The following RANGAP1 variants were observed in gnomAD, a reference collection of about 807,000 sequenced individuals.
RANGAP1 encodes ran GTPase-activating protein 1.
In RANGAP1, 38 loss-of-function variants were observed where a neutral mutation model predicts 63.5. The observed-to-expected ratio is 0.60, with a 90% confidence interval of 0.46 to 0.78. The LOEUF (loss-of-function observed/expected upper bound fraction) is 0.78, where lower values mean the gene tolerates loss of function less well. Ranked by LOEUF, RANGAP1 falls within the 30% of genes least tolerant of loss-of-function variation. The pLI, the probability that RANGAP1 is intolerant of heterozygous loss-of-function variation, is 0.00. For synonymous variants in RANGAP1, 329 were observed against 310.5 expected (o/e 1.06, Z -0.63); for missense variants, 630 against 740.3 (o/e 0.85, Z 1.73).
At chr22:41,280,548 A>G in intron 2 of RANGAP1, 1 of 644,784 alleles carries the variant, frequency 1.6e-6, no homozygotes, top group East Asian at 6.6e-5. Flanking sequence ...AGCTCTGGGG[A>G]AAGCTGCAGC....
the RANGAP1 span, among the ~76,000 whole-genome samples, chr22:41,292,255 C>T: frequency 7.9e-5 from 12 of 152,130 alleles, no homozygotes; most frequent in East Asian, 2.2e-3. Context: ...TCAAGAGATT[C>T]TCCTGCCTCA....
intron 13 of RANGAP1, among the ~76,000 whole-genome samples, chr22:41,250,218 G>C (rs1188720425): frequency 2.0e-5 from 3 of 152,228 alleles, no homozygotes; most frequent in African/African-American, 7.2e-5. Flanking sequence ...AACAGAACTA[G>C]GGCAACTTGT....
At position 41,264,726 on chromosome 22, in the gene RANGAP1, C is replaced by A; in HGVS notation, c.418G>T (p.Ala140Ser). The change falls in exon 5 of 16, where the codon GCC becomes TCC. Residue 140 changes from alanine to serine, a missense_variant. Physicochemically the swap from Ala to Ser is moderately conservative, Grantham distance 99. Around this residue, in one of 3 missense-constraint regions of RANGAP1, gnomAD observed 137 missense variants for 214.3 expected, o/e 0.64. Coordinates refer to ENST00000356244, the MANE Select transcript of RANGAP1 (RefSeq NM_002883.4). ...QGFEALLKSS[A>S]CFTLQELKLN... The stretch of plus-strand genomic sequence containing the variant: ...TTGAGTTCCTGCAGGGTGAAGCAGG[C>A]TGAGCTCTTGAGCAGGGCCTCGAAG... The A allele has an allele frequency of 6.2e-7, 1 of 1,614,058 alleles. No individual in the cohort carries two copies. Among genetic ancestry groups the A allele is most frequent in the Non-Finnish European group, 8.5e-7 (1 of 1,179,876 alleles).
chr22:41,273,338 T>C (rs541351845), intron 3 of RANGAP1, among the ~76,000 whole-genome samples: 76 of 152,338 alleles, frequency 5.0e-4, no homozygotes, highest in African/African-American at 1.8e-3. Flanking sequence ...GCTTTGAACA[T>C]GACACTCTTG....
At chr22:41,264,950 T>A in intron 4 of RANGAP1, 107 bp from the exon 5 acceptor site, 1 of 1,148,022 alleles carries the variant, frequency 8.7e-7, no homozygotes, top group Non-Finnish European at 1.2e-6. Flanking sequence ...CCCCGGCTGG[T>A]GCAGAACCAA....
At chr22:41,268,365 C>G (rs915560451) in intron 3 of RANGAP1, among the ~76,000 whole-genome samples, 1 of 152,116 alleles carries the variant, frequency 6.6e-6, no homozygotes, top group African/African-American at 2.4e-5. Flanking sequence ...AAGCAATTCT[C>G]CTGCCTAAGC....
chr22:41,292,155 C>T, the RANGAP1 span, among the ~76,000 whole-genome samples: 1 of 151,308 alleles, frequency 6.6e-6, no homozygotes, highest in Non-Finnish European at 1.5e-5. Flanking sequence ...AATATTAAAA[C>T]ATTTTTTTTG....
At chr22:41,299,172 G>A in the RANGAP1 span, among the ~76,000 whole-genome samples, 6 of 151,322 alleles carry the variant, frequency 4.0e-5, no homozygotes, top group South Asian at 2.1e-4. Flanking sequence ...TCGCTCTGTC[G>A]CCCAGGCTGG....
In RANGAP1 at chr22:41,246,008, C is replaced by CTTCTG; in HGVS notation, c.*594_*595insCAGAA. On this transcript the variant is annotated 3_prime_UTR_variant, in exon 16 of 16. Coordinates refer to ENST00000356244, the MANE Select transcript of RANGAP1 (RefSeq NM_002883.4). Reference sequence around the variant, plus strand: ...TGTGGGGCCCAGGGTTGCCCTCTGCCAACAACCCCACGATCCGACCCCCAC... The same window carrying CTTCTG: ...TGTGGGGCCCAGGGTTGCCCTCTGCCTTCTGAACAACCCCACGATCCGACCCCCAC... 1 of 153,884 alleles carries CTTCTG rather than the reference C, an allele frequency of 6.5e-6. No homozygotes were observed. Among genetic ancestry groups the CTTCTG allele is most frequent in the Non-Finnish European group, 1.4e-5 (1 of 69,224 alleles). The allele number at this position is 153,884 out of a possible 1,614,324, so 9.5% of individuals were successfully genotyped here. A position where few individuals can be genotyped will look rare whatever the true frequency, so the allele number is the denominator to read the frequency against.
At position 41,256,814 on chromosome 22, in the gene RANGAP1, G is replaced by T. The variant is rs1450025364; in HGVS notation, c.785C>A (p.Thr262Asn). 1 of 1,613,874 alleles carries T rather than the reference G, an allele frequency of 6.2e-7. No individual in the cohort carries two copies. Among genetic ancestry groups the T allele is most frequent in the Non-Finnish European group, 8.5e-7 (1 of 1,179,838 alleles). Residue 262 changes from threonine (T) to asparagine (N), a missense_variant, in exon 8 of 16, where the codon ACC becomes AAC. By Grantham distance (65) the Thr-to-Asn change is moderately conservative. Around this residue, in one of 3 missense-constraint regions of RANGAP1, gnomAD observed 428 missense variants for 465.5 expected, o/e 0.92. Coordinates refer to ENST00000356244, the MANE Select transcript of RANGAP1 (RefSeq NM_002883.4). ...GAVAMAETLK[T>N]LRQVEVINFG... The stretch of plus-strand genomic sequence containing the variant: ...ATTAATCACCTCCACCTGCCGCAAG[G>T]TCTTCAAGGTCTGTGAGGGGGAAGC...
At chr22:41,273,333 G>GA (rs1412053112) in intron 3 of RANGAP1, among the ~76,000 whole-genome samples, 1 of 152,186 alleles carries the variant, frequency 6.6e-6, no homozygotes, top group African/African-American at 2.4e-5. Flanking sequence ...CCAACGCTTT[G>GA]AACATGACAC....
chr22:41,292,928 ACT>A, the RANGAP1 span, among the ~76,000 whole-genome samples: 7,963 of 149,556 alleles, frequency 0.053, 694 homozygotes, highest in African/African-American at 0.19. Context: ...ACACAGCAAA[ACT>A]CTGTCTCTAC....
At chr22:41,253,607 G>A (rs1263572035) in intron 11 of RANGAP1, among the ~76,000 whole-genome samples, 1 of 152,124 alleles carries the variant, frequency 6.6e-6, no homozygotes, top group African/African-American at 2.4e-5. Flanking sequence ...GCCAGGTCAT[G>A]GCCCAGCCAC....
At position 41,249,773 on chromosome 22, in the gene RANGAP1, T is replaced by TG. The variant is rs1569169823; in HGVS notation, c.1527dup (p.Asn510GlnfsTer17). The TG allele has an allele frequency of 6.2e-7, 1 of 1,614,054 alleles. No individual in the cohort carries two copies. The highest frequency in any genetic ancestry group is 2.2e-5 in the East Asian group (1 of 44,868). ...ACGAGCAGCCTGGTGAGGAAGGTGT[T>TG]GGAGTTGAAGGACGAGGAGTTGAAA... On this transcript the variant is annotated frameshift_variant, in exon 14 of 16. Transcript: ENST00000356244. LOFTEE classifies it high-confidence loss of function.
chr22:41,263,453 C>T (rs1313312569), intron 5 of RANGAP1, among the ~76,000 whole-genome samples: 3 of 152,142 alleles, frequency 2.0e-5, no homozygotes, highest in South Asian at 2.1e-4. Context: ...GGCGCCATCT[C>T]GGCTCACTGC....
At chr22:41,288,451 C>G (rs978804094), upstream of RANGAP1, among the ~76,000 whole-genome samples, 38 of 152,310 alleles carry the variant, frequency 2.5e-4, no homozygotes, top group African/African-American at 8.2e-4. Context: ...GAACCAGATA[C>G]CAGTCGGGTT....
intron 5 of RANGAP1, among the ~76,000 whole-genome samples, chr22:41,264,290 C>A: frequency 1.6e-4 from 1 of 6,162 alleles, no homozygotes; most frequent in East Asian, 1.8e-3. Context: ...GTGACGGTGC[C>A]CCCCCTGAGC....
At chr22:41,252,061 G>A (rs1268304223) in intron 12 of RANGAP1, among the ~76,000 whole-genome samples, 4 of 152,166 alleles carry the variant, frequency 2.6e-5, no homozygotes, top group Non-Finnish European at 5.9e-5. Flanking sequence ...GGCCGGGCAC[G>A]GTGGCTCATG....
the RANGAP1 span, among the ~76,000 whole-genome samples, chr22:41,293,784 AAAG>A: frequency 1.4e-3 from 199 of 138,464 alleles, 1 homozygote; most frequent in Non-Finnish European, 4.2e-4. Context: ...AAAAAAAAGA[AAAG>A]AAATAATTTT....
Sources: allele counts gnomAD v4.1 joint callset (sites outside exome capture counted in the v4.1 genomes callset), GRCh38; gene constraint gnomAD v4.1.1; regional missense constraint gnomAD v4.1.1; transcripts MANE v1.5; gene names NCBI Gene and HGNC (gene_info 2026-07-23, HGNC 2026-07-21).